The following ZNF704 variants were observed in gnomAD, a reference collection of about 807,000 sequenced individuals.
The protein encoded by ZNF704 is glucocorticoid induced gene 1.
ZNF704 carries 10 observed loss-of-function variants against 44.7 expected under a neutral mutation model. That is an observed-to-expected ratio of 0.22 (90% CI 0.14 to 0.38). ZNF704 has a LOEUF of 0.38. Among genes scored for constraint, ZNF704 ranks in the 10% least tolerant of loss-of-function variants. The probability of loss-of-function intolerance (pLI) is 1.00; values close to 1 mark genes in which losing one functional copy is unlikely to be tolerated. For synonymous variants in ZNF704, 211 were observed against 207.6 expected, an observed-to-expected ratio of 1.02 and a Z score of -0.14; for missense variants, 390 against 545.5, an observed-to-expected ratio of 0.71 and a Z score of 2.84.
chr8:80,686,364 CT>C (rs932249239), intron 4 of ZNF704, among the ~76,000 whole-genome samples: 1 of 152,096 alleles, frequency 6.6e-6, no homozygotes, highest in East Asian at 1.9e-4. Flanking sequence ...AATTAGATGT[CT>C]TTTTTTTCTT....
chr8:80,880,856 A>C, the ZNF704 span, among the ~76,000 whole-genome samples: 1 of 152,256 alleles, frequency 6.6e-6, no homozygotes, highest in Non-Finnish European at 1.5e-5. Flanking sequence ...ATCAAGAATT[A>C]ATATGCAGCA....
In ZNF704 at chr8:80,637,174, G is replaced by A. The variant is rs1000453757; in HGVS notation, c.*4192C>T. ...GCCTCACAAATGTCAGTACTGCCCA[G>A]TTCACATAAATTTGTCTTGAAATGA... is the stretch of plus-strand genomic sequence containing the variant. On this transcript the variant is annotated 3_prime_UTR_variant, in exon 9 of 9. Transcript: ENST00000327835. 3 of 151,042 alleles carry A rather than the reference G, an allele frequency of 2.0e-5. No homozygotes were observed. The highest frequency in any genetic ancestry group is 4.4e-5 in the Non-Finnish European group (3 of 67,908). 9.4% of individuals were successfully genotyped at this position (151,042 alleles called of 1,614,324 possible). A position where few individuals can be genotyped will look rare whatever the true frequency, so the allele number is the denominator to read the frequency against.
chr8:80,684,321 A>C (rs1379526778), intron 4 of ZNF704, among the ~76,000 whole-genome samples: 1 of 152,228 alleles, frequency 6.6e-6, no homozygotes, highest in Admixed American at 6.5e-5. Flanking sequence ...ATATGTATAC[A>C]CTGAAACAAA....
chr8:80,687,107 T>G (rs559975832), intron 4 of ZNF704, 119 bp downstream of exon 4: 2 of 784,866 alleles, frequency 2.5e-6, no homozygotes, highest in South Asian at 3.4e-5. Context: ...GAACGTAAGC[T>G]GCTTCTTTCC....
chr8:80,785,047 T>C (rs970703610), intron 2 of ZNF704, among the ~76,000 whole-genome samples: 1 of 152,220 alleles, frequency 6.6e-6, no homozygotes, highest in African/African-American at 2.4e-5. Flanking sequence ...TCAGATTTCC[T>C]TGATTTGCTT....
chr8:80,766,965 A>G (rs2131726067), intron 2 of ZNF704, among the ~76,000 whole-genome samples: 1 of 152,168 alleles, frequency 6.6e-6, no homozygotes, highest in African/African-American at 2.4e-5. Context: ...TGCCCACCTC[A>G]GCCTCCCAAA....
At chr8:80,790,355 G>C (rs1313298938) in intron 2 of ZNF704, among the ~76,000 whole-genome samples, 1 of 152,148 alleles carries the variant, frequency 6.6e-6, no homozygotes. Context: ...TCAGTGGAGA[G>C]AAGGAAGATG....
At chr8:80,881,675 C>A in the ZNF704 span, among the ~76,000 whole-genome samples, 1 of 152,114 alleles carries the variant, frequency 6.6e-6, no homozygotes, top group Non-Finnish European at 1.5e-5. Flanking sequence ...TGCCTGTAAT[C>A]CCAGCACTTT....
chr8:80,683,436 C>T (rs1818485323), intron 4 of ZNF704, among the ~76,000 whole-genome samples: 1 of 152,200 alleles, frequency 6.6e-6, no homozygotes, highest in Non-Finnish European at 1.5e-5. Context: ...TCTGAACTTT[C>T]TGCACCCTTG....
chr8:80,710,217 G>A lies in ZNF704; in HGVS notation c.222-17110C>T, dbSNP rs537158927. On this transcript the variant is annotated intron_variant, in intron 2 of 8. Transcript: ENST00000327835. ...GAGTTACCCTTATTAACCTGTTTAG[G>A]TTACAGTCCTACCAGGTCAAACCCA... 7.9e-5 allele frequency among the ~76,000 whole-genome samples: 12 copies of A among 152,192 alleles called. No homozygotes were observed. In the South Asian group the frequency reaches 2.3e-3, roughly 29 times the overall value.
chr8:80,732,356 T>C (rs999478736), intron 2 of ZNF704, among the ~76,000 whole-genome samples: 6 of 152,354 alleles, frequency 3.9e-5, no homozygotes, highest in Admixed American at 3.9e-4. Context: ...TCTTCTGTCA[T>C]AGTAGCTGAG....
intron 7 of ZNF704, among the ~76,000 whole-genome samples, chr8:80,653,006 G>C (rs917191936): frequency 3.2e-4 from 48 of 152,226 alleles, no homozygotes; most frequent in African/African-American, 1.1e-3. Flanking sequence ...ATGCAAGGCT[G>C]GTTCAACATA....
intron 1 of ZNF704, among the ~76,000 whole-genome samples, chr8:80,826,580 C>T (rs1036817617): frequency 5.9e-5 from 9 of 152,188 alleles, no homozygotes; most frequent in South Asian, 2.1e-4. Flanking sequence ...TTTATGAGGC[C>T]AGCATCATCC....
chr8:80,845,274 C>A (rs532035528), intron 1 of ZNF704, among the ~76,000 whole-genome samples: 1 of 152,282 alleles, frequency 6.6e-6, no homozygotes, highest in East Asian at 1.9e-4. Flanking sequence ...AATGCCAAAT[C>A]CAATACAGAT....
upstream of ZNF704, among the ~76,000 whole-genome samples, chr8:80,877,903 T>C (rs1366275947): frequency 1.3e-5 from 2 of 152,204 alleles, no homozygotes; most frequent in Non-Finnish European, 2.9e-5. Flanking sequence ...AGGTTTAGTA[T>C]AAAGAAATGT....
chr8:80,807,913 G>A (rs1381415992), intron 2 of ZNF704, among the ~76,000 whole-genome samples: 1 of 152,130 alleles, frequency 6.6e-6, no homozygotes, highest in Non-Finnish European at 1.5e-5. Flanking sequence ...AGTTTTGAAG[G>A]AGGCAGTGAA....
At chr8:80,794,992 C>A (rs548437917) in intron 2 of ZNF704, among the ~76,000 whole-genome samples, 33 of 152,302 alleles carry the variant, frequency 2.2e-4, no homozygotes, top group Non-Finnish European at 3.8e-4. Flanking sequence ...GACAGAAGTG[C>A]ATAGGATAAA....
At chr8:80,821,039 T>C (rs1044703423) in intron 2 of ZNF704, among the ~76,000 whole-genome samples, 12 of 152,264 alleles carry the variant, frequency 7.9e-5, no homozygotes, top group African/African-American at 2.9e-4. Context: ...TGCTTTGAAG[T>C]GGCTACAGTC....
At chr8:80,853,630 A>G (rs766312315) in intron 1 of ZNF704, among the ~76,000 whole-genome samples, 11 of 152,344 alleles carry the variant, frequency 7.2e-5, no homozygotes, top group Non-Finnish European at 1.5e-4. Flanking sequence ...CAGTAGAAAG[A>G]ACAAACAGAA....
Sources: gnomAD v4.1 joint callset for allele counts (sites outside exome capture counted in the v4.1 genomes callset) on GRCh38, gnomAD v4.1.1 for gene constraint, MANE v1.5 for transcripts, NCBI Gene and HGNC (gene_info 2026-07-23, HGNC 2026-07-21) for gene names.